The following MCUB variants were observed in gnomAD, a reference collection of about 807,000 sequenced individuals.
MCUB encodes the protein mitochondrial calcium uniporter dominant negative subunit beta.
A neutral mutation model predicts 41.4 loss-of-function variants in MCUB; 46 were observed. That is an observed-to-expected ratio of 1.11 (90% CI 0.88 to 1.42). The LOEUF is 1.42. MCUB is among the 40% of genes most tolerant of loss of function. The pLI is 0.00. For synonymous variants in MCUB, 148 were observed against 148.2 expected (o/e 1.00, Z 0.01); for missense variants, 403 against 404.9 (o/e 1.00, Z 0.04).
chr4:109,602,220 G>T (rs751088887), intron 1 of MCUB, among the ~76,000 whole-genome samples: 4 of 152,142 alleles, frequency 2.6e-5, no homozygotes, highest in Non-Finnish European at 2.9e-5. Flanking sequence ...TTTTTAACTT[G>T]ATGTGAGTCC....
At chr4:109,623,642 T>C (rs1488216660) in intron 1 of MCUB, among the ~76,000 whole-genome samples, 1 of 152,168 alleles carries the variant, frequency 6.6e-6, no homozygotes, top group African/African-American at 2.4e-5. Flanking sequence ...GGTGGAAATG[T>C]TGCAGGGTTC....
At chr4:109,662,655 T>G (rs1729253377) in intron 3 of MCUB, among the ~76,000 whole-genome samples, 1 of 152,214 alleles carries the variant, frequency 6.6e-6, no homozygotes, top group Non-Finnish European at 1.5e-5. Flanking sequence ...GTCAGTCTTT[T>G]GCTATTCATA....
At position 109,660,346 on chromosome 4, in the gene MCUB, T is replaced by C; in HGVS notation, c.327T>C (p.Thr109=). ...DLQNEDKGIK[T]AAIFTADGNM... ...AAAATGAAGATAAGGGTATCAAAAC[T>C]GCAGCCATCTTCACAGCAGGTATAT... Residue 109 remains threonine (T), a synonymous_variant, in exon 3 of 8, where the codon ACT becomes ACC. Transcript: ENST00000394650. 6.2e-7 allele frequency: 1 copy of C among 1,604,298 alleles called. No individual in the cohort carries two copies. Among genetic ancestry groups the C allele is most frequent in the Non-Finnish European group, 8.5e-7 (1 of 1,171,994 alleles).
intron 1 of MCUB, among the ~76,000 whole-genome samples, chr4:109,643,536 C>G (rs1728768031): frequency 6.9e-6 from 1 of 145,008 alleles, no homozygotes; most frequent in South Asian, 2.2e-4. Flanking sequence ...CAGAGTTCCA[C>G]TCTCGTCTCC....
At chr4:109,622,586 C>A (rs1247413706) in intron 1 of MCUB, among the ~76,000 whole-genome samples, 2 of 152,162 alleles carry the variant, frequency 1.3e-5, no homozygotes, top group Non-Finnish European at 2.9e-5. Flanking sequence ...AGTGAGGATC[C>A]TCTGAGGCAC....
chr4:109,584,100 G>T (rs1727247392), intron 1 of MCUB, among the ~76,000 whole-genome samples: 1 of 152,116 alleles, frequency 6.6e-6, no homozygotes, highest in Non-Finnish European at 1.5e-5. Flanking sequence ...TGGTTGGTAG[G>T]CTATTAATTA....
chr4:109,596,739 T>TA (rs199843081), intron 1 of MCUB, among the ~76,000 whole-genome samples: 1,836 of 151,106 alleles, frequency 0.012, 38 homozygotes, highest in African/African-American at 0.042. Context: ...TTTTTTTTTT[T>TA]AATTTATTTT....
At position 109,687,598 on chromosome 4, in the gene MCUB, C is replaced by T; in HGVS notation, c.*6C>T. On this transcript the variant is annotated 3_prime_UTR_variant, in exon 8 of 8. Transcript: ENST00000394650. ...AACTCAATGAAAAGAATTAATCTTA[C>T]AGTTTTAAATGTCGTCAGATTTTCC... 4.4e-6 allele frequency: 7 copies of T among 1,586,556 alleles called. No individual in the cohort carries two copies. Among genetic ancestry groups the T allele is most frequent in the Non-Finnish European group, 5.2e-6 (6 of 1,156,460 alleles).
chr4:109,685,158 T>C (rs1729809464), intron 6 of MCUB, 93 bp from the exon 7 acceptor site: 20 of 640,478 alleles, frequency 3.1e-5, no homozygotes, highest in Non-Finnish European at 4.7e-5. Context: ...TGCCTTCTTT[T>C]GCTTTGGTGT....
At chr4:109,601,823 T>G (rs1455752021) in intron 1 of MCUB, among the ~76,000 whole-genome samples, 1 of 152,210 alleles carries the variant, frequency 6.6e-6, no homozygotes, top group Non-Finnish European at 1.5e-5. Context: ...ACTGTTCTCC[T>G]TAGTGGTTGT....
intron 4 of MCUB, among the ~76,000 whole-genome samples, chr4:109,681,803 A>G (rs1317222701): frequency 6.6e-6 from 1 of 152,256 alleles, no homozygotes; most frequent in East Asian, 1.9e-4. Context: ...CTACGGCGGC[A>G]AAACAGCAGT....
At chr4:109,632,182 G>A (rs771636675) in intron 1 of MCUB, among the ~76,000 whole-genome samples, 2 of 152,028 alleles carry the variant, frequency 1.3e-5, no homozygotes, top group African/African-American at 2.4e-5. Flanking sequence ...TCTGTGAAGG[G>A]CCAGATAGTA....
intron 1 of MCUB, among the ~76,000 whole-genome samples, chr4:109,582,600 T>C (rs1051214386): frequency 8.5e-5 from 13 of 152,252 alleles, no homozygotes; most frequent in African/African-American, 2.9e-4. Flanking sequence ...TTCTTGGCTT[T>C]TGTTGCCATT....
rs144190545 is a variant in MCUB, at chr4:109,599,676, TA to T, written c.99+39241del. The stretch of plus-strand genomic sequence containing the variant: ...TATTAAAATCATGTTAATATTTATT[TA>T]TTTATTTTTTTAAGACAGAATCTCG... On this transcript the variant is annotated intron_variant, in intron 1 of 7. Coordinates refer to ENST00000394650, the MANE Select transcript of MCUB (RefSeq NM_017918.5). 9.5e-3 allele frequency among the ~76,000 whole-genome samples: 1,370 copies of T among 143,494 alleles called. 15 individuals are homozygous for T. Among genetic ancestry groups the T allele is most frequent in the Middle Eastern group, 0.017 (5 of 294 alleles). 94.1% of individuals were successfully genotyped at this position (143,494 alleles called of 152,430 possible).
chr4:109,623,246 G>T (rs1463408151), intron 1 of MCUB, among the ~76,000 whole-genome samples: 1 of 152,148 alleles, frequency 6.6e-6, no homozygotes, highest in East Asian at 1.9e-4. Context: ...TGATAATATC[G>T]AAAAATTACT....
At chr4:109,683,349 T>A (rs1177315869) in intron 5 of MCUB, among the ~76,000 whole-genome samples, 1 of 152,196 alleles carries the variant, frequency 6.6e-6, no homozygotes, top group African/African-American at 2.4e-5. Flanking sequence ...TTTCTGGAGA[T>A]GTAAGGAAGT....
chr4:109,654,123 T>C (rs1400296757), intron 1 of MCUB, among the ~76,000 whole-genome samples: 1 of 152,204 alleles, frequency 6.6e-6, no homozygotes, highest in Non-Finnish European at 1.5e-5. Flanking sequence ...TGTTGTTTTT[T>C]TTTTCTTAGC....
intron 4 of MCUB, among the ~76,000 whole-genome samples, chr4:109,677,182 T>TA (rs1422946912): frequency 6.6e-6 from 1 of 152,244 alleles, no homozygotes; most frequent in Admixed American, 6.5e-5. Context: ...GTTTTGGACT[T>TA]ACGTGGGACC....
intron 1 of MCUB, among the ~76,000 whole-genome samples, chr4:109,602,941 T>C (rs1271323476): frequency 6.6e-6 from 1 of 152,268 alleles, no homozygotes; most frequent in Admixed American, 6.5e-5. Context: ...CTAGATATTT[T>C]ATCTGTGGCT....
Sources: gnomAD v4.1 joint callset for allele counts (sites outside exome capture counted in the v4.1 genomes callset) on GRCh38, gnomAD v4.1.1 for gene constraint, MANE v1.5 for transcripts, NCBI Gene and HGNC (gene_info 2026-07-23, HGNC 2026-07-21) for gene names.